The following CNTROB variants were observed in gnomAD, a reference collection of about 807,000 sequenced individuals.
CNTROB encodes centrobin, centriole duplication and spindle assembly protein.
In CNTROB, 82 loss-of-function variants were observed where a neutral mutation model predicts 115.7. The ratio of observed to expected loss-of-function variants is 0.71; its 90% CI spans 0.59 to 0.85. CNTROB has a LOEUF of 0.85. CNTROB is among the 40% of genes least tolerant of loss of function. The pLI, the probability that CNTROB is intolerant of heterozygous loss-of-function variation, is 0.00. For synonymous variants in CNTROB, 439 were observed against 456.4 expected, an observed-to-expected ratio of 0.96 and a Z score of 0.49; for missense variants, 1,014 against 1,144.4, an observed-to-expected ratio of 0.89 and a Z score of 1.64.
At position 7,948,772 on chromosome 17, in the gene CNTROB, G is replaced by GC; in HGVS notation, c.2513+157dup. On this transcript the variant is annotated intron_variant, in intron 17 of 18. Transcript: ENST00000563694. This position sits in a 1 kb window ranked among gnomAD's most constrained non-coding sequence, Gnocchi z 4.4. ...GTGGATCCACAGATCTTCTCTAACT[G>GC]CCCCACACTTTTCTTTTATCTCCTC... 14 of 1,563,910 alleles carry GC rather than the reference G, an allele frequency of 9.0e-6. No individual in the cohort carries two copies. The highest frequency in any genetic ancestry group is 1.1e-5 in the Non-Finnish European group (13 of 1,151,618).
At position 7,944,042 on chromosome 17, in the gene CNTROB, T is replaced by G. The variant is rs1431565657; in HGVS notation, c.1446-81T>G. 9.4e-7 allele frequency: 1 copy of G among 1,068,342 alleles called. No individual in the cohort carries two copies. The highest frequency in any genetic ancestry group is 1.4e-6 in the Non-Finnish European group (1 of 703,098). The allele number at this position is 1,068,342 out of a possible 1,614,324, so 66.2% of individuals were successfully genotyped here. ...ACTGGCTATCTGGGTCACTGTCATG[T>G]GCACACATGATGTCTTTTTCTCAGT... On this transcript the variant is annotated intron_variant, in intron 10 of 18. Coordinates refer to ENST00000563694, the MANE Select transcript of CNTROB (RefSeq NM_053051.5). The surrounding 1 kb of genome is among the most constrained non-coding windows in gnomAD (Gnocchi z 4.0).
intron 7 of CNTROB, among the ~76,000 whole-genome samples, chr17:7,938,733 C>T (rs1973495886): frequency 6.6e-6 from 1 of 152,208 alleles, no homozygotes; most frequent in African/African-American, 2.4e-5. Context: ...GGCTCTGGAA[C>T]AGGAACTCTT....
At position 7,947,554 on chromosome 17, in the gene CNTROB, C is replaced by T. The variant is rs943526350; in HGVS notation, c.1994-17C>T. Reference sequence around the variant, plus strand: ...CTGAACACACTTGCACCCACCCATACCTGTTTCACTTTATAGCTGGGGCCT... The same window carrying T: ...CTGAACACACTTGCACCCACCCATATCTGTTTCACTTTATAGCTGGGGCCT... On this transcript the variant is annotated splice_polypyrimidine_tract_variant and intron_variant, in intron 13 of 18. Transcript: ENST00000563694. 44 of 1,591,312 alleles carry T rather than the reference C, an allele frequency of 2.8e-5. No individual in the cohort carries two copies. Among genetic ancestry groups the T allele is most frequent in the African/African-American group, 6.7e-5 (5 of 74,402 alleles).
In CNTROB at chr17:7,933,269, C is replaced by A; in HGVS notation, c.190C>A (p.Pro64Thr). The A allele has an allele frequency of 5.0e-6, 8 of 1,614,226 alleles. No individual in the cohort carries two copies. Among genetic ancestry groups the A allele is most frequent in the Non-Finnish European group, 6.8e-6 (8 of 1,180,042 alleles). ...AQLYLPSTSP[P>T]HEGLDGFAQE... The stretch of plus-strand genomic sequence containing the variant: ...GCTGTATTTACCCTCCACCTCCCCG[C>A]CTCATGAAGGGTTAGACGGCTTCGC... Residue 64 changes from proline (P) to threonine (T), a missense_variant, in exon 1 of 19, where the codon CCT becomes ACT. Physicochemically the swap from Pro to Thr is conservative, Grantham distance 38. Coordinates refer to ENST00000563694, the MANE Select transcript of CNTROB (RefSeq NM_053051.5).
At position 7,939,784 on chromosome 17, in the gene CNTROB, G is replaced by A. The variant is rs1289243611; in HGVS notation, c.1164+35G>A. 24 of 1,591,126 alleles carry A rather than the reference G, an allele frequency of 1.5e-5. No individual in the cohort carries two copies. Among genetic ancestry groups the A allele is most frequent in the Non-Finnish European group, 2.0e-5 (23 of 1,159,970 alleles). On this transcript the variant is annotated intron_variant, in intron 8 of 18. Coordinates refer to ENST00000563694, the MANE Select transcript of CNTROB (RefSeq NM_053051.5). The surrounding 1 kb of genome is among the most constrained non-coding windows in gnomAD (Gnocchi z 4.4). Reference sequence around the variant, plus strand: ...GCAGTTGGAAGAGCTGAGGAACTAGGGAGTAGATGAAGGGCAAAATAATTG... The same window carrying A: ...GCAGTTGGAAGAGCTGAGGAACTAGAGAGTAGATGAAGGGCAAAATAATTG...
In CNTROB at chr17:7,943,632, C is replaced by T. The variant is rs1400763353; in HGVS notation, c.1445+108C>T. 4.1e-6 allele frequency: 5 copies of T among 1,226,318 alleles called. No homozygotes were observed. Among genetic ancestry groups the T allele is most frequent in the Non-Finnish European group, 5.6e-6 (5 of 900,684 alleles). 76.0% of individuals were successfully genotyped at this position (1,226,318 alleles called of 1,614,324 possible). A position where few individuals can be genotyped will look rare whatever the true frequency, so the allele number is the denominator to read the frequency against. On this transcript the variant is annotated intron_variant, in intron 10 of 18. Coordinates refer to ENST00000563694, the MANE Select transcript of CNTROB (RefSeq NM_053051.5). This position sits in a 1 kb window ranked among gnomAD's most constrained non-coding sequence, Gnocchi z 4.7. ...TGCCATGGTCCAGCACTGTGACTCC[C>T]AGGGTGCGCTAACTCCCATCAGCTG...
Position 7,944,369 on chromosome 17 carries a change from C to G in CNTROB, c.1572-107C>G, listed in dbSNP as rs770130385. Reference sequence around the variant, plus strand: ...CTGTCCTCCTCTACATGGGCCCCAGCTCCTTTCAGAATATCAGATGTCCAA... The same window carrying G: ...CTGTCCTCCTCTACATGGGCCCCAGGTCCTTTCAGAATATCAGATGTCCAA... On this transcript the variant is annotated intron_variant, in intron 11 of 18. Transcript: ENST00000563694. This position sits in a 1 kb window ranked among gnomAD's most constrained non-coding sequence, Gnocchi z 4.0. 1.9e-6 allele frequency: 3 copies of G among 1,561,132 alleles called. No individual in the cohort carries two copies. The Admixed American group carries it at 5.1e-5, about 27-fold the overall frequency.
chr17:7,932,374 G>C lies in CNTROB; in HGVS notation c.-706G>C. The C allele has an allele frequency of 6.1e-6, 1 of 163,926 alleles. No homozygotes were observed. Among genetic ancestry groups the C allele is most frequent in the Non-Finnish European group, 1.3e-5 (1 of 74,702 alleles). 10.2% of individuals were successfully genotyped at this position (163,926 alleles called of 1,614,324 possible). ...GTGGTCGTCGGGGCAGAGGATCTCG[G>C]GCTAGGCTTGAGGGCGGCGTGCTTC... On this transcript the variant is annotated 5_prime_UTR_variant, in exon 1 of 19. Coordinates refer to ENST00000563694, the MANE Select transcript of CNTROB (RefSeq NM_053051.5).
chr17:7,945,719 C>T lies in CNTROB; in HGVS notation c.1735-9C>T, dbSNP rs758430751. On this transcript the variant is annotated splice_polypyrimidine_tract_variant and intron_variant, in intron 12 of 18. Coordinates refer to ENST00000563694, the MANE Select transcript of CNTROB (RefSeq NM_053051.5). Reference sequence around the variant, plus strand: ...CTTTGACCCTTCTTTCTGCCTCTCTCCTGGTCAGGCTCCTCCTGCTGGACC... The same window carrying T: ...CTTTGACCCTTCTTTCTGCCTCTCTTCTGGTCAGGCTCCTCCTGCTGGACC... 6 of 1,612,850 alleles carry T rather than the reference C, an allele frequency of 3.7e-6. No homozygotes were observed. The highest frequency in any genetic ancestry group is 1.7e-5 in the Admixed American group (1 of 59,860).
rs776510584 is a variant in CNTROB at position 7,934,995 on chromosome 17, G to A, written c.444G>A (p.Arg148=). Residue 148 remains arginine, a synonymous_variant, in exon 4 of 19, where the codon CGG becomes CGA. Coordinates refer to ENST00000563694, the MANE Select transcript of CNTROB (RefSeq NM_053051.5). ...SDSTATLLNT[R]PLQDLSPSSS... is the part of the protein sequence containing the mutation. Reference sequence around the variant, plus strand: ...CTCTACCTGATTTGCTCAGCACCCGGCCCCTGCAAGACTTGTCTCCATCTA... The same window carrying A: ...CTCTACCTGATTTGCTCAGCACCCGACCCCTGCAAGACTTGTCTCCATCTA... 1 of 1,592,886 alleles carries A rather than the reference G, an allele frequency of 6.3e-7. No homozygotes were observed. Among genetic ancestry groups the A allele is most frequent in the South Asian group, 1.1e-5 (1 of 88,778 alleles).
Position 7,948,925 on chromosome 17 carries a change from G to T in CNTROB, c.2514-160G>T, listed in dbSNP as rs375258063. ...GACTTTTGACTAGCTAGTGTAACTC[G>T]TTATTTACTTCCACTAATGTCTCCT... On this transcript the variant is annotated intron_variant, in intron 17 of 18. Coordinates refer to ENST00000563694, the MANE Select transcript of CNTROB (RefSeq NM_053051.5). This position sits in a 1 kb window ranked among gnomAD's most constrained non-coding sequence, Gnocchi z 4.4. 2.4e-4 allele frequency: 363 copies of T among 1,507,406 alleles called. 1 individual carries two copies. The highest frequency in any genetic ancestry group is 1.4e-4 in the Non-Finnish European group (163 of 1,126,484). The allele number at this position is 1,507,406 out of a possible 1,614,324, so 93.4% of individuals were successfully genotyped here. A position where few individuals can be genotyped will look rare whatever the true frequency, so the allele number is the denominator to read the frequency against.
chr17:7,937,205 G>T lies in CNTROB; in HGVS notation c.870G>T (p.Glu290Asp). ...RLEQSLSEAM[E>D]ALNREQESAR... Reference sequence around the variant, plus strand: ...AACAAAGCCTTTCTGAGGCCATGGAGGCCCTGAATCGTGAGCAGGAAAGTG... The same window carrying T: ...AACAAAGCCTTTCTGAGGCCATGGATGCCCTGAATCGTGAGCAGGAAAGTG... The change falls in exon 7 of 19, where the codon GAG becomes GAT. Residue 290 changes from glutamate (E) to aspartate (D), a missense_variant. Glu to Asp is a conservative substitution (Grantham distance 45). Transcript: ENST00000563694. 6.2e-7 allele frequency: 1 copy of T among 1,614,198 alleles called. No individual in the cohort carries two copies. The highest frequency in any genetic ancestry group is 1.3e-5 in the African/African-American group (1 of 75,054).
rs202128276 is a variant in CNTROB at position 7,943,382 on chromosome 17, T to G, written c.1312-9T>G. 1.9e-6 allele frequency: 3 copies of G among 1,607,064 alleles called. No individual in the cohort carries two copies. Among genetic ancestry groups the G allele is most frequent in the Non-Finnish European group, 2.6e-6 (3 of 1,174,774 alleles). On this transcript the variant is annotated splice_polypyrimidine_tract_variant and intron_variant, in intron 9 of 18. Transcript: ENST00000563694. This position sits in a 1 kb window ranked among gnomAD's most constrained non-coding sequence, Gnocchi z 4.7. ...ATTTGGGCCGTTATCCCACCTTCCT[T>G]CACTCCAGGCCCGGTATGAAAGCCA...
rs1371150062 is a variant in CNTROB at position 7,944,024 on chromosome 17, A to G, written c.1446-99A>G. On this transcript the variant is annotated intron_variant, in intron 10 of 18. Transcript: ENST00000563694. This position sits in a 1 kb window ranked among gnomAD's most constrained non-coding sequence, Gnocchi z 4.0. The stretch of plus-strand genomic sequence containing the variant: ...CCATGGCCAGGCTAGCTGACTGGCT[A>G]TCTGGGTCACTGTCATGTGCACACA... The G allele has an allele frequency of 8.1e-6, 7 of 867,572 alleles. No individual in the cohort carries two copies. The highest frequency in any genetic ancestry group is 1.6e-5 in the South Asian group (1 of 62,610). The allele number at this position is 867,572 out of a possible 1,614,324, so 53.7% of individuals were successfully genotyped here.
chr17:7,936,756 T>C lies in CNTROB; in HGVS notation c.767T>C (p.Val256Ala). ...WNRHEAERTEVLRGLQEEHQA... is the reference protein window; with the variant it reads ...WNRHEAERTEALRGLQEEHQA... ...CGGCATGAGGCTGAGCGGACAGAGG[T>C]TCTCAGGGGACTTCAAGAGGAACAC... The change falls in exon 6 of 19, where the codon GTT (valine) becomes GCT (alanine). Residue 256 changes from valine (V) to alanine (A), a missense_variant. By Grantham distance (64) the Val-to-Ala change is moderately conservative. Transcript: ENST00000563694. 1 of 1,575,918 alleles carries C rather than the reference T, an allele frequency of 6.3e-7. No homozygotes were observed. Among genetic ancestry groups the C allele is most frequent in the Admixed American group, 1.7e-5 (1 of 59,950 alleles).
At position 7,943,664 on chromosome 17, in the gene CNTROB, G is replaced by C; in HGVS notation, c.1445+140G>C. 1 of 909,118 alleles carries C rather than the reference G, an allele frequency of 1.1e-6. No homozygotes were observed. Among genetic ancestry groups the C allele is most frequent in the East Asian group, 2.8e-5 (1 of 36,310 alleles). 56.3% of individuals were successfully genotyped at this position (909,118 alleles called of 1,614,324 possible). A position where few individuals can be genotyped will look rare whatever the true frequency, so the allele number is the denominator to read the frequency against. On this transcript the variant is annotated intron_variant, in intron 10 of 18. Coordinates refer to ENST00000563694, the MANE Select transcript of CNTROB (RefSeq NM_053051.5). This position sits in a 1 kb window ranked among gnomAD's most constrained non-coding sequence, Gnocchi z 4.7. The stretch of plus-strand genomic sequence containing the variant: ...CGCTAACTCCCATCAGCTGGGACCT[G>C]AGTCTCTCTCGGGAGGGCTGCCTTC...
Position 7,947,990 on chromosome 17 carries a change from A to C in CNTROB, c.2209+11A>C. ...TGCCCCCTAAGTCTGGTGAGTTCCA[A>C]CTCTGAAGAAGGTTGGGGCTGGGGC... On this transcript the variant is annotated intron_variant, in intron 15 of 18. Coordinates refer to ENST00000563694, the MANE Select transcript of CNTROB (RefSeq NM_053051.5). The C allele has an allele frequency of 6.2e-7, 1 of 1,612,286 alleles. No individual in the cohort carries two copies. Among genetic ancestry groups the C allele is most frequent in the Non-Finnish European group, 8.5e-7 (1 of 1,178,742 alleles).
intron 9 of CNTROB, among the ~76,000 whole-genome samples, chr17:7,941,067 G>C (rs1292549556): frequency 6.6e-6 from 1 of 152,232 alleles, no homozygotes; most frequent in Admixed American, 6.5e-5. Context: ...GGATTGGAGA[G>C]AGCTGTGTTC....
chr17:7,932,805 G>C lies in CNTROB; in HGVS notation c.-275G>C, dbSNP rs568414563. On this transcript the variant is annotated 5_prime_UTR_variant, in exon 1 of 19. Coordinates refer to ENST00000563694, the MANE Select transcript of CNTROB (RefSeq NM_053051.5). The stretch of plus-strand genomic sequence containing the variant: ...CAGCAGCGCTGTTGTCCCACAGTAG[G>C]TCTTCTGTCCGCACCCGCTCTGCGC... The C allele has an allele frequency of 2.4e-6, 1 of 421,044 alleles. No homozygotes were observed. The highest frequency in any genetic ancestry group is 2.0e-5 in the African/African-American group (1 of 49,086). 26.1% of individuals were successfully genotyped at this position (421,044 alleles called of 1,614,324 possible).
Sources: gnomAD v4.1 joint callset for allele counts (sites outside exome capture counted in the v4.1 genomes callset) on GRCh38, gnomAD v4.1.1 for gene constraint, Gnocchi (gnomAD v3.1) non-coding constraint, MANE v1.5 for transcripts, NCBI Gene and HGNC (gene_info 2026-07-23, HGNC 2026-07-21) for gene names.